Variants in BFSP2 observed in about 807,000 individuals in gnomAD.
BFSP2 encodes beaded filament structural protein 2, also known as phakinin.
A neutral mutation model predicts 44.9 loss-of-function variants in BFSP2; 38 were observed. The ratio of observed to expected loss-of-function variants is 0.85; its 90% confidence interval spans 0.65 to 1.11. The LOEUF (loss-of-function observed/expected upper bound fraction) is 1.11, where lower values mean the gene tolerates loss of function less well. Among genes scored for constraint, BFSP2 ranks in the 50% least tolerant of loss-of-function variants. The pLI is 0.00. For missense variants in BFSP2, 525 were observed against 533.0 expected, an observed-to-expected ratio of 0.99 and a Z score of 0.15; for synonymous variants, 197 against 209.9, an observed-to-expected ratio of 0.94 and a Z score of 0.53.
In BFSP2 at chr3:133,400,461, G is replaced by A; in HGVS notation, c.378G>A (p.Glu126=). ...VEYMAKVHAL[E]QVSQELETQL... is the part of the protein sequence containing the mutation. ...ATATGGCCAAAGTGCACGCCCTTGA[G>A]CAAGTCAGTCAGGAGCTGGAAACAC... The change falls in exon 1 of 7, where the codon GAG becomes GAA. Residue 126 remains glutamate, a synonymous_variant. Transcript: ENST00000302334. The surrounding 1 kb of genome is among the most constrained non-coding windows in gnomAD (Gnocchi z 4.0). 6.2e-7 allele frequency: 1 copy of A among 1,614,074 alleles called. No individual in the cohort carries two copies.
chr3:133,472,414 G>C lies in BFSP2; in HGVS notation c.1093G>C (p.Ala365Pro). Residue 365 changes from alanine (A) to proline (P), a missense_variant, in exon 6 of 7, where the codon GCT (alanine) becomes CCT (proline). Physicochemically the swap from Ala to Pro is conservative, Grantham distance 27 (BLOSUM62 -1). Coordinates refer to ENST00000302334, the MANE Select transcript of BFSP2 (RefSeq NM_003571.4). Reference sequence around the variant, plus strand: ...TGACATGGAGCTCCAGAACCTGGGCGCTGTGGTCGGCCGGCTGGAGGCGGA... The same window carrying C: ...TGACATGGAGCTCCAGAACCTGGGCCCTGTGGTCGGCCGGCTGGAGGCGGA... ...WHDMELQNLG[A>P]VVGRLEAELR... 1 of 1,614,094 alleles carries C rather than the reference G, an allele frequency of 6.2e-7. No individual in the cohort carries two copies. The highest frequency in any genetic ancestry group is 8.5e-7 in the Non-Finnish European group (1 of 1,180,002).
At chr3:133,407,863 T>C (rs1222286906) in intron 1 of BFSP2, among the ~76,000 whole-genome samples, 2 of 152,182 alleles carry the variant, frequency 1.3e-5, no homozygotes. Context: ...TTTCTTGCTG[T>C]ACCCTAGGGT....
chr3:133,454,144 T>C (rs1190917180), intron 4 of BFSP2, among the ~76,000 whole-genome samples: 1 of 152,104 alleles, frequency 6.6e-6, no homozygotes, highest in Non-Finnish European at 1.5e-5. Flanking sequence ...TCCTAGTTAG[T>C]CAAGTAAAAC....
At chr3:133,408,071 C>G (rs568814615) in intron 1 of BFSP2, among the ~76,000 whole-genome samples, 92 of 150,064 alleles carry the variant, frequency 6.1e-4, no homozygotes, top group African/African-American at 2.1e-3. Flanking sequence ...TCACCATAAG[C>G]AAAATTAAAA....
chr3:133,433,667 C>T (rs2073751931), intron 1 of BFSP2, among the ~76,000 whole-genome samples: 1 of 152,132 alleles, frequency 6.6e-6, no homozygotes, highest in Non-Finnish European at 1.5e-5. Context: ...TTAGCCTTCC[C>T]ACCTCTATAC....
intron 1 of BFSP2, among the ~76,000 whole-genome samples, chr3:133,407,748 T>C (rs1246012113): frequency 6.6e-6 from 1 of 152,172 alleles, no homozygotes; most frequent in Non-Finnish European, 1.5e-5. Context: ...AAATTGAGTA[T>C]TGATGAAGGC....
chr3:133,408,551 CAAG>C (rs1448623115), intron 1 of BFSP2, among the ~76,000 whole-genome samples: 1 of 152,204 alleles, frequency 6.6e-6, no homozygotes, highest in Non-Finnish European at 1.5e-5. Context: ...AAAATATGAA[CAAG>C]AAGTATGTAC....
At chr3:133,466,697 A>AAAAAAAAAAAAAAAAC in intron 4 of BFSP2, 131 bp from the exon 5 acceptor site, 1 of 726,340 alleles carries the variant, frequency 1.4e-6, no homozygotes, top group Non-Finnish European at 2.2e-6. Context: ...AAAAAAAAAA[A>AAAAAAAAAAAAAAAAC]GATGTTTCCA....
At chr3:133,448,346 C>A in intron 2 of BFSP2, 143 bp from the exon 3 acceptor site, 1 of 1,057,996 alleles carries the variant, frequency 9.5e-7, no homozygotes, top group Non-Finnish European at 1.4e-6. Flanking sequence ...ACTGCACTAA[C>A]AGTGCCCTCA....
intron 3 of BFSP2, among the ~76,000 whole-genome samples, chr3:133,449,578 C>G (rs2073937436): frequency 6.6e-6 from 1 of 151,942 alleles, no homozygotes. Context: ...GGAGACCAAC[C>G]TAAGAAATGC....
At chr3:133,470,045 C>T (rs1301887713) in intron 5 of BFSP2, among the ~76,000 whole-genome samples, 1 of 152,178 alleles carries the variant, frequency 6.6e-6, no homozygotes, top group African/African-American at 2.4e-5. Context: ...AGAGAGAAAA[C>T]CCAGGGAGGT....
chr3:133,429,949 C>T (rs2073694664), intron 1 of BFSP2, among the ~76,000 whole-genome samples: 2 of 150,678 alleles, frequency 1.3e-5, no homozygotes, highest in Admixed American at 1.3e-4. Context: ...TGTTCCCCTT[C>T]CTGTGTCCAT....
intron 4 of BFSP2, among the ~76,000 whole-genome samples, chr3:133,454,623 T>G (rs906194379): frequency 2.0e-5 from 3 of 152,160 alleles, no homozygotes; most frequent in Non-Finnish European, 4.4e-5. Flanking sequence ...AGTAGATAGT[T>G]TGCTAGAACA....
chr3:133,422,520 T>C (rs1011178186), intron 1 of BFSP2, among the ~76,000 whole-genome samples: 1 of 152,162 alleles, frequency 6.6e-6, no homozygotes, highest in African/African-American at 2.4e-5. Flanking sequence ...GGTGGAATGT[T>C]CTGATCTCCC....
intron 1 of BFSP2, among the ~76,000 whole-genome samples, chr3:133,412,931 C>G (rs1169254829): frequency 2.0e-5 from 3 of 152,308 alleles, no homozygotes; most frequent in African/African-American, 7.2e-5. Flanking sequence ...AGAAGAGAAC[C>G]AGGATGCTGG....
At chr3:133,439,607 G>C (rs1001971066) in intron 1 of BFSP2, among the ~76,000 whole-genome samples, 4 of 152,246 alleles carry the variant, frequency 2.6e-5, no homozygotes, top group Non-Finnish European at 5.9e-5. Context: ...ACCAGACAAA[G>C]GAAAGTAGGA....
intron 1 of BFSP2, among the ~76,000 whole-genome samples, chr3:133,414,624 G>A (rs575602145): frequency 1.1e-4 from 7 of 62,364 alleles, no homozygotes; most frequent in South Asian, 1.3e-3. Flanking sequence ...CTGCCATCTC[G>A]TCTCTACTCA....
intron 1 of BFSP2, among the ~76,000 whole-genome samples, chr3:133,447,073 T>C (rs2073909332): frequency 6.6e-6 from 1 of 152,192 alleles, no homozygotes; most frequent in Admixed American, 6.5e-5. Flanking sequence ...TTGAATAGTC[T>C]TTTTGTGCCA....
At chr3:133,414,657 A>G (rs1487884354) in intron 1 of BFSP2, among the ~76,000 whole-genome samples, 1 of 34,610 alleles carries the variant, frequency 2.9e-5, no homozygotes, top group African/African-American at 1.3e-4. Flanking sequence ...CCGCTGTCTC[A>G]CTCCCCTCTA....
Sources: allele counts gnomAD v4.1 joint callset (sites outside exome capture counted in the v4.1 genomes callset), GRCh38; gene constraint gnomAD v4.1.1; non-coding constraint Gnocchi (gnomAD v3.1); transcripts MANE v1.5; gene names NCBI Gene and HGNC (gene_info 2026-07-23, HGNC 2026-07-21).